Variants in PDE7B observed in about 807,000 individuals in gnomAD.
PDE7B encodes the protein phosphodiesterase 7B.
A neutral mutation model predicts 56.2 loss-of-function variants in PDE7B; 29 were observed. That is an observed-to-expected ratio of 0.52 (90% CI 0.38 to 0.70). The LOEUF (loss-of-function observed/expected upper bound fraction) is 0.70. PDE7B is among the 30% of genes least tolerant of loss of function. PDE7B has a pLI of 0.00. For missense variants in PDE7B, 490 were observed against 565.0 expected, an observed-to-expected ratio of 0.87 and a Z score of 1.35; for synonymous variants, 197 against 196.9, an observed-to-expected ratio of 1.00 and a Z score of 0.00.
intron 2 of PDE7B, among the ~76,000 whole-genome samples, chr6:135,952,411 A>G (rs1039219402): frequency 3.3e-5 from 5 of 152,142 alleles, no homozygotes; most frequent in African/African-American, 4.8e-5. Context: ...ATCTAATTTT[A>G]ATTAATCGGA....
intron 8 of PDE7B, among the ~76,000 whole-genome samples, chr6:136,170,542 A>T (rs1331436045): frequency 6.6e-6 from 1 of 152,178 alleles, no homozygotes; most frequent in African/African-American, 2.4e-5. Context: ...ATACACATGA[A>T]ATTATACAGT....
chr6:135,983,483 G>T (rs978160711), intron 2 of PDE7B, among the ~76,000 whole-genome samples: 1 of 152,200 alleles, frequency 6.6e-6, no homozygotes, highest in Admixed American at 6.6e-5. Context: ...GTACAGATGG[G>T]CAGTATCGAG....
intron 2 of PDE7B, chr6:136,034,091 A>G (rs1462452603): frequency 2.0e-5 from 3 of 152,240 alleles, no homozygotes; most frequent in Non-Finnish European, 4.4e-5. Flanking sequence ...GAATCTATTA[A>G]TAGATTCAAA....
intron 2 of PDE7B, among the ~76,000 whole-genome samples, chr6:136,068,298 G>A (rs1057147961): frequency 3.9e-5 from 6 of 152,134 alleles, no homozygotes; most frequent in Admixed American, 3.3e-4. Context: ...GAGTGGGGGC[G>A]GCGTGCCAGG....
intron 8 of PDE7B, among the ~76,000 whole-genome samples, chr6:136,158,984 G>C (rs1322261629): frequency 6.6e-6 from 1 of 152,156 alleles, no homozygotes; most frequent in African/African-American, 2.4e-5. Flanking sequence ...CCTTTCAATA[G>C]AGTCCAACAA....
chr6:136,103,766 T>C (rs1777602239), intron 2 of PDE7B, among the ~76,000 whole-genome samples: 2 of 152,180 alleles, frequency 1.3e-5, no homozygotes, highest in Admixed American at 6.5e-5. Context: ...CACTATCTTC[T>C]TCATTCATCT....
chr6:136,053,925 G>A (rs1340224997), intron 2 of PDE7B, among the ~76,000 whole-genome samples: 1 of 152,066 alleles, frequency 6.6e-6, no homozygotes, highest in East Asian at 1.9e-4. Flanking sequence ...TTGTAAATTT[G>A]TTGGAGTTCA....
chr6:135,909,483 A>G (rs1425105258), intron 1 of PDE7B, among the ~76,000 whole-genome samples: 1 of 152,080 alleles, frequency 6.6e-6, no homozygotes, highest in African/African-American at 2.4e-5. Context: ...GTGTGCGCCT[A>G]TAATCCCAGC....
In PDE7B at chr6:136,116,201, T is replaced by C. The variant is rs1466019490; in HGVS notation, c.166+7387T>C. ...CACTGAAAGATAAGACAGTGTTGACTGATTAAGGAGTTGCCTATAAGGGAG... is the reference window on the plus strand; with the variant it reads ...CACTGAAAGATAAGACAGTGTTGACCGATTAAGGAGTTGCCTATAAGGGAG... On this transcript the variant is annotated intron_variant, in intron 3 of 12. Coordinates refer to ENST00000308191, the MANE Select transcript of PDE7B (RefSeq NM_018945.4). 3.9e-5 allele frequency among the ~76,000 whole-genome samples: 6 copies of C among 152,220 alleles called. No homozygotes were observed. In the East Asian group the frequency reaches 1.2e-3, roughly 29 times the overall value.
At chr6:136,143,369 TAA>T (rs945310092) in intron 3 of PDE7B, among the ~76,000 whole-genome samples, 13 of 149,036 alleles carry the variant, frequency 8.7e-5, no homozygotes, top group African/African-American at 3.2e-4. Context: ...TTTTTTTATT[TAA>T]AAAAAAAATG....
intron 9 of PDE7B, among the ~76,000 whole-genome samples, chr6:136,178,539 T>C (rs920183670): frequency 6.6e-6 from 1 of 152,214 alleles, no homozygotes; most frequent in Non-Finnish European, 1.5e-5. Context: ...TTGTGTTCCG[T>C]TGATGGATCT....
intron 2 of PDE7B, among the ~76,000 whole-genome samples, chr6:135,979,758 A>C (rs1775261026): frequency 6.6e-6 from 1 of 152,182 alleles, no homozygotes. Context: ...GACCTCTTCA[A>C]GGAGAACTAC....
chr6:135,999,372 A>C (rs1467121991), intron 2 of PDE7B, among the ~76,000 whole-genome samples: 1 of 152,058 alleles, frequency 6.6e-6, no homozygotes, highest in Non-Finnish European at 1.5e-5. Context: ...TCAGGTACTA[A>C]ACCTAATACC....
rs1778596050 is a variant in PDE7B at position 136,155,943 on chromosome 6, A to C, written c.711+185A>C. The C allele has an allele frequency of 5.6e-6, 4 of 714,494 alleles. No individual in the cohort carries two copies. The Admixed American group carries it at 6.0e-5, about 11-fold the overall frequency. The allele number at this position is 714,494 out of a possible 1,614,324, so 44.3% of individuals were successfully genotyped here. On this transcript the variant is annotated intron_variant, in intron 8 of 12. Coordinates refer to ENST00000308191, the MANE Select transcript of PDE7B (RefSeq NM_018945.4). The stretch of plus-strand genomic sequence containing the variant: ...CAGATGCTCAAAATGAGCAAAATCC[A>C]AGCAAACTTAATCCCAGTTTGAAAG...
intron 9 of PDE7B, among the ~76,000 whole-genome samples, chr6:136,174,500 G>T (rs541068850): frequency 7.2e-5 from 11 of 152,170 alleles, no homozygotes; most frequent in Middle Eastern, 3.4e-3. Flanking sequence ...TAAATCTGAG[G>T]CCATTGTTTC....
intron 2 of PDE7B, among the ~76,000 whole-genome samples, chr6:136,105,384 C>T (rs1167924945): frequency 6.6e-6 from 1 of 152,148 alleles, no homozygotes; most frequent in Non-Finnish European, 1.5e-5. Context: ...GGTTTCAAGT[C>T]GGTTCTGAGT....
intron 3 of PDE7B, among the ~76,000 whole-genome samples, chr6:136,126,349 T>C (rs555064861): frequency 6.6e-6 from 1 of 152,316 alleles, no homozygotes; most frequent in South Asian, 2.1e-4. Flanking sequence ...GGAATACTTG[T>C]ATTAAAACTG....
intron 2 of PDE7B, among the ~76,000 whole-genome samples, chr6:136,104,076 G>T (rs1008616103): frequency 6.6e-6 from 1 of 152,154 alleles, no homozygotes; most frequent in Non-Finnish European, 1.5e-5. Flanking sequence ...AGGGGCTGTC[G>T]TCAGGTCAGG....
At chr6:135,895,159 T>C (rs1775875949) in intron 1 of PDE7B, among the ~76,000 whole-genome samples, 1 of 152,146 alleles carries the variant, frequency 6.6e-6, no homozygotes, top group Non-Finnish European at 1.5e-5. Flanking sequence ...ATACAACTTT[T>C]TTGAGATGTA....
Sources: gnomAD v4.1 joint callset for allele counts (sites outside exome capture counted in the v4.1 genomes callset) on GRCh38, gnomAD v4.1.1 for gene constraint, MANE v1.5 for transcripts, NCBI Gene and HGNC (gene_info 2026-07-23, HGNC 2026-07-21) for gene names.